Variants in DLG2 observed in about 807,000 individuals in gnomAD.
DLG2 encodes discs large MAGUK scaffold protein 2, also known as disks large homolog 2.
DLG2 carries 45 observed loss-of-function variants against 132.5 expected under a neutral mutation model. The ratio of observed to expected loss-of-function variants is 0.34; its 90% CI spans 0.27 to 0.44. DLG2 has a LOEUF of 0.44. Ranked by LOEUF, DLG2 falls within the 20% of genes least tolerant of loss-of-function variation. The pLI is 1.00. For missense variants in DLG2, 1,045 were observed against 1,196.9 expected (o/e 0.87, Z 1.87); for synonymous variants, 424 against 419.6 (o/e 1.01, Z -0.13).
At chr11:83,781,817 G>T (rs2153870564) in intron 18 of DLG2, among the ~76,000 whole-genome samples, 1 of 152,222 alleles carries the variant, frequency 6.6e-6, no homozygotes, top group Non-Finnish European at 1.5e-5. Context: ...AACCTAATCA[G>T]TTATCTCACA....
At chr11:85,307,826 C>G (rs1408179540) in intron 3 of DLG2, among the ~76,000 whole-genome samples, 14 of 152,116 alleles carry the variant, frequency 9.2e-5, no homozygotes, top group Admixed American at 9.2e-4. Context: ...ATTAGACTTA[C>G]AATGTTTTTT....
intron 7 of DLG2, among the ~76,000 whole-genome samples, chr11:84,358,451 C>CT (rs2098630901): frequency 7.4e-6 from 1 of 135,758 alleles, no homozygotes; most frequent in South Asian, 2.3e-4. Flanking sequence ...CCTTCATTTT[C>CT]TTTTTTTGTG....
At chr11:84,452,883 A>G (rs2099055571) in intron 7 of DLG2, among the ~76,000 whole-genome samples, 1 of 151,690 alleles carries the variant, frequency 6.6e-6, no homozygotes, top group South Asian at 2.1e-4. Context: ...CCCATCTCCA[A>G]ATAAATAAAT....
intron 25 of DLG2, among the ~76,000 whole-genome samples, chr11:83,467,115 G>A (rs1305997891): frequency 1.3e-5 from 2 of 152,160 alleles, no homozygotes; most frequent in Admixed American, 6.5e-5. Context: ...GCAGCCGTAT[G>A]TTATGTGACT....
intron 8 of DLG2, among the ~76,000 whole-genome samples, chr11:84,215,939 T>C (rs564579552): frequency 3.9e-5 from 6 of 152,294 alleles, no homozygotes; most frequent in African/African-American, 1.4e-4. Context: ...AAGAACTGAC[T>C]TGTTCGGTAA....
At chr11:85,289,328 A>C (rs1010968448) in intron 3 of DLG2, among the ~76,000 whole-genome samples, 1 of 152,048 alleles carries the variant, frequency 6.6e-6, no homozygotes, top group African/African-American at 2.4e-5. Context: ...GGCCCTCGCC[A>C]TCTGTTACTC....
chr11:85,507,018 A>C (rs1467222771), intron 3 of DLG2, among the ~76,000 whole-genome samples: 1 of 152,050 alleles, frequency 6.6e-6, no homozygotes, highest in Non-Finnish European at 1.5e-5. Flanking sequence ...CTGTTTTATC[A>C]GACTGGGATT....
intron 3 of DLG2, among the ~76,000 whole-genome samples, chr11:85,524,475 A>C (rs2074583930): frequency 6.6e-6 from 1 of 151,428 alleles, no homozygotes; most frequent in Non-Finnish European, 1.5e-5. Context: ...AGCTAGGCTC[A>C]AAAAGAGAAC....
chr11:85,257,489 T>C (rs1472704626), intron 4 of DLG2, among the ~76,000 whole-genome samples: 1 of 152,224 alleles, frequency 6.6e-6, no homozygotes, highest in Non-Finnish European at 1.5e-5. Flanking sequence ...CATGCAGGTA[T>C]GTCTGTGAAA....
At chr11:83,522,811 C>CA (rs1487720106) in intron 21 of DLG2, among the ~76,000 whole-genome samples, 2 of 138,100 alleles carry the variant, frequency 1.4e-5, no homozygotes, top group Admixed American at 7.1e-5. Context: ...AGAGCCCCCC[C>CA]CCCCTTTTTT....
At chr11:85,173,416 C>A (rs896493561) in intron 4 of DLG2, among the ~76,000 whole-genome samples, 2 of 152,122 alleles carry the variant, frequency 1.3e-5, no homozygotes, top group African/African-American at 2.4e-5. Flanking sequence ...CTCAGACAAG[C>A]AAATGCTGAT....
At chr11:83,719,347 C>A (rs1187200663) in intron 18 of DLG2, among the ~76,000 whole-genome samples, 2 of 152,166 alleles carry the variant, frequency 1.3e-5, no homozygotes, top group Non-Finnish European at 2.9e-5. Context: ...TTTGAACATA[C>A]CTCTGAGCAC....
chr11:84,237,057 T>A (rs2097167983), intron 8 of DLG2, among the ~76,000 whole-genome samples: 1 of 151,766 alleles, frequency 6.6e-6, no homozygotes, highest in East Asian at 1.9e-4. Context: ...GCCTCCTGAG[T>A]AGCTGAGACT....
At chr11:84,489,303 CATTTTAGTAT>C (rs2099158611) in intron 7 of DLG2, among the ~76,000 whole-genome samples, 1 of 152,108 alleles carries the variant, frequency 6.6e-6, no homozygotes. Context: ...CTTTCTTCTA[CATTTTAGTAT>C]AGGCAACTTT....
At chr11:84,616,481 C>T (rs1028806112) in intron 6 of DLG2, among the ~76,000 whole-genome samples, 4 of 151,988 alleles carry the variant, frequency 2.6e-5, no homozygotes, top group East Asian at 1.9e-4. Flanking sequence ...CATGACCGTA[C>T]AGTTTGGTGG....
intron 6 of DLG2, among the ~76,000 whole-genome samples, chr11:85,064,331 T>C (rs746266317): frequency 1.2e-4 from 18 of 151,772 alleles, no homozygotes; most frequent in Non-Finnish European, 2.4e-4. Flanking sequence ...CACTGAAAGG[T>C]CACTATAAAA....
chr11:84,740,406 C>T (rs971710545), intron 6 of DLG2, among the ~76,000 whole-genome samples: 7 of 152,180 alleles, frequency 4.6e-5, no homozygotes, highest in African/African-American at 1.7e-4. Flanking sequence ...TTCTTCCAAG[C>T]CCTGAGCCCA....
chr11:84,630,441 A>C (rs1333266987), intron 6 of DLG2, among the ~76,000 whole-genome samples: 1 of 152,200 alleles, frequency 6.6e-6, no homozygotes, highest in Non-Finnish European at 1.5e-5. Flanking sequence ...CTTAACTGCA[A>C]GTCCTTCATT....
At chr11:85,498,972 C>T (rs1426236925) in intron 3 of DLG2, among the ~76,000 whole-genome samples, 1 of 152,044 alleles carries the variant, frequency 6.6e-6, no homozygotes, top group Non-Finnish European at 1.5e-5. Context: ...GCACTAAATG[C>T]CCACAAGAGA....
Sources: gnomAD v4.1 joint callset for allele counts (sites outside exome capture counted in the v4.1 genomes callset) on GRCh38, gnomAD v4.1.1 for gene constraint, MANE v1.5 for transcripts, NCBI Gene and HGNC (gene_info 2026-07-23, HGNC 2026-07-21) for gene names.